MEMO1: variants seen among roughly 807,000 people sequenced by gnomAD.
The protein encoded by MEMO1 is mediator of cell motility 1, also known as protein MEMO1.
In MEMO1, 6 loss-of-function variants were observed where a neutral mutation model predicts 45.2. That is an observed-to-expected ratio of 0.13 (90% CI 0.07 to 0.26). The LOEUF (loss-of-function observed/expected upper bound fraction) is 0.26, where lower values mean the gene tolerates loss of function less well. Among genes scored for constraint, MEMO1 ranks in the 10% least tolerant of loss-of-function variants. The pLI is 1.00. For synonymous variants in MEMO1, 78 were observed against 124.3 expected (o/e 0.63, Z 2.48); for missense variants, 184 against 370.5 (o/e 0.50, Z 4.13).
intron 2 of MEMO1, among the ~76,000 whole-genome samples, chr2:32,008,492 G>A (rs1048755260): frequency 4.6e-5 from 7 of 152,286 alleles, no homozygotes; most frequent in Non-Finnish European, 7.4e-5. Flanking sequence ...GCTGAAGCAG[G>A]AGAATCGCTT....
At chr2:31,920,379 A>G (rs1682141169) in intron 5 of MEMO1, among the ~76,000 whole-genome samples, 1 of 152,132 alleles carries the variant, frequency 6.6e-6, no homozygotes, top group Non-Finnish European at 1.5e-5. Flanking sequence ...ATTTTTTCCC[A>G]TAAAAATCAT....
At chr2:31,883,185 C>G (rs1048154534) in intron 8 of MEMO1, among the ~76,000 whole-genome samples, 1 of 151,970 alleles carries the variant, frequency 6.6e-6, no homozygotes, top group Non-Finnish European at 1.5e-5. Flanking sequence ...TCTCATTAAT[C>G]AAACAAAATT....
intron 2 of MEMO1, among the ~76,000 whole-genome samples, chr2:31,964,046 G>A (rs1338983068): frequency 6.6e-6 from 1 of 152,056 alleles, no homozygotes; most frequent in Admixed American, 6.6e-5. Context: ...TTTTAAAAAA[G>A]TATATATGGA....
At chr2:31,982,228 C>T (rs1013723766) in intron 2 of MEMO1, among the ~76,000 whole-genome samples, 8 of 147,602 alleles carry the variant, frequency 5.4e-5, no homozygotes, top group East Asian at 2.0e-4. Flanking sequence ...ACCCAGGAGG[C>T]GGAGGTTACA....
At chr2:32,010,354 G>A (rs1674718949) in intron 1 of MEMO1, 90 bp from the exon 2 acceptor site, 1 of 549,600 alleles carries the variant, frequency 1.8e-6, no homozygotes, top group Admixed American at 3.1e-5. Flanking sequence ...CCCAGCCCAG[G>A]AGGAGGCGGC....
chr2:31,936,079 T>C (rs984068613), intron 3 of MEMO1, among the ~76,000 whole-genome samples: 1 of 152,128 alleles, frequency 6.6e-6, no homozygotes, highest in African/African-American at 2.4e-5. Context: ...TTCTCCTGCC[T>C]CAGCCTCCCG....
At position 31,878,739 on chromosome 2, in the gene MEMO1, T is replaced by C. The variant is rs554456516; in HGVS notation, c.657+4647A>G. On this transcript the variant is annotated intron_variant, in intron 8 of 9. Coordinates refer to ENST00000404530, the MANE Select transcript of MEMO1 (RefSeq NM_001301833.4). ...AGGAAGACTTTATTTACTTTGAAAATTTTTAGTACTGAGGTATCTTTCAAA... is the reference window on the plus strand; with the variant it reads ...AGGAAGACTTTATTTACTTTGAAAACTTTTAGTACTGAGGTATCTTTCAAA... Among the ~76,000 whole-genome samples the C allele has an allele frequency of 2.6e-5, 4 of 152,254 alleles. No individual in the cohort carries two copies. In the South Asian group the frequency reaches 8.3e-4, roughly 32 times the overall value.
At chr2:31,943,623 T>C (rs1446641027) in intron 2 of MEMO1, among the ~76,000 whole-genome samples, 2 of 152,208 alleles carry the variant, frequency 1.3e-5, no homozygotes, top group East Asian at 1.9e-4. Context: ...TTTACAGCTG[T>C]CTTCATTTCA....
intron 6 of MEMO1, among the ~76,000 whole-genome samples, chr2:31,896,506 A>C (rs1677836772): frequency 6.6e-6 from 1 of 152,208 alleles, no homozygotes; most frequent in South Asian, 2.1e-4. Context: ...ATAAAACTTT[A>C]TTTACAAAAG....
At chr2:31,894,054 T>C (rs1677353398) in intron 6 of MEMO1, among the ~76,000 whole-genome samples, 1 of 152,152 alleles carries the variant, frequency 6.6e-6, no homozygotes. Flanking sequence ...AGTTCTGAAG[T>C]TGAACTTCCA....
intron 2 of MEMO1, among the ~76,000 whole-genome samples, chr2:32,002,797 G>A (rs1222313041): frequency 2.0e-5 from 3 of 152,158 alleles, no homozygotes; most frequent in Middle Eastern, 3.4e-3. Flanking sequence ...CAGTTGACAC[G>A]AACCATGGAG....
At chr2:31,921,192 T>C (rs1010243451) in intron 4 of MEMO1, among the ~76,000 whole-genome samples, 12 of 152,052 alleles carry the variant, frequency 7.9e-5, no homozygotes, top group African/African-American at 2.9e-4. Flanking sequence ...GGTGTCCTTA[T>C]AGGAAAAAGA....
intron 8 of MEMO1, among the ~76,000 whole-genome samples, chr2:31,877,485 A>G (rs1351413586): frequency 6.6e-6 from 1 of 152,226 alleles, no homozygotes; most frequent in African/African-American, 2.4e-5. Flanking sequence ...TTATCTATAC[A>G]TTAATTCCAC....
intron 8 of MEMO1, among the ~76,000 whole-genome samples, chr2:31,878,011 T>C (rs1381559924): frequency 1.3e-5 from 2 of 152,162 alleles, no homozygotes; most frequent in Non-Finnish European, 2.9e-5. Context: ...TGTAATTAAG[T>C]ATTTAGTTTT....
At chr2:31,913,521 T>G (rs915394880) in intron 6 of MEMO1, among the ~76,000 whole-genome samples, 49 of 151,058 alleles carry the variant, frequency 3.2e-4, no homozygotes, top group Middle Eastern at 3.4e-3. Context: ...TTAAGAGTTT[T>G]TTTTTTTTTT....
intron 2 of MEMO1, among the ~76,000 whole-genome samples, chr2:31,969,281 C>T (rs1250480028): frequency 6.7e-6 from 1 of 149,488 alleles, no homozygotes; most frequent in Non-Finnish European, 1.5e-5. Context: ...ATATATATAT[C>T]CTGCTTTATA....
chr2:31,909,186 A>G (rs1204582705), intron 6 of MEMO1, among the ~76,000 whole-genome samples: 5 of 152,214 alleles, frequency 3.3e-5, no homozygotes, highest in Non-Finnish European at 7.3e-5. Flanking sequence ...AAGCCTTTCC[A>G]CTAAGATCTG....
intron 5 of MEMO1, among the ~76,000 whole-genome samples, chr2:31,919,072 TAAGA>T (rs1173540423): frequency 6.6e-6 from 1 of 151,908 alleles, no homozygotes; most frequent in East Asian, 1.9e-4. Flanking sequence ...ATGCCAAAAA[TAAGA>T]AAGAAGAATT....
intron 2 of MEMO1, among the ~76,000 whole-genome samples, chr2:31,996,958 G>A (rs541675023): frequency 2.6e-5 from 4 of 152,178 alleles, no homozygotes; most frequent in Admixed American, 6.5e-5. Flanking sequence ...TAGAACACTC[G>A]CCAAGACAGA....
Sources: gnomAD v4.1 joint callset for allele counts (sites outside exome capture counted in the v4.1 genomes callset) on GRCh38, gnomAD v4.1.1 for gene constraint, MANE v1.5 for transcripts, NCBI Gene and HGNC (gene_info 2026-07-23, HGNC 2026-07-21) for gene names.